Variants in SYTL3 observed in about 807,000 individuals in gnomAD.
SYTL3 encodes synaptotagmin like 3, also known as synaptotagmin-like protein 3.
Under a neutral mutation model 82.1 loss-of-function variants are expected in SYTL3, and 88 were observed. The ratio of observed to expected loss-of-function variants is 1.07; its 90% CI spans 0.90 to 1.28. SYTL3 has a LOEUF of 1.28. SYTL3 is among the 50% of genes most tolerant of loss of function. The probability of loss-of-function intolerance (pLI) is 0.00; values close to 1 mark genes in which losing one functional copy is unlikely to be tolerated. For synonymous variants in SYTL3, 311 were observed against 289.4 expected (o/e 1.07, Z -0.76); for missense variants, 831 against 757.6 (o/e 1.10, Z -1.14).
intron 8 of SYTL3, among the ~76,000 whole-genome samples, chr6:158,711,422 A>G (rs1412073675): frequency 6.6e-6 from 1 of 152,150 alleles, no homozygotes; most frequent in Non-Finnish European, 1.5e-5. Flanking sequence ...GGCTCACGTG[A>G]TCACGGCAGC....
intron 5 of SYTL3, among the ~76,000 whole-genome samples, chr6:158,667,650 G>A (rs996851190): frequency 2.0e-5 from 3 of 152,116 alleles, no homozygotes; most frequent in Non-Finnish European, 4.4e-5. Context: ...TTCTTCCTTC[G>A]CTTCAGGCTC....
chr6:158,763,543 C>G (rs773636668), intron 17 of SYTL3, 34 bp downstream of exon 17: 47 of 1,574,178 alleles, frequency 3.0e-5, no homozygotes, highest in Non-Finnish European at 3.8e-5. Context: ...AACGTTTATA[C>G]TTTGTGATTA....
At chr6:158,752,925 G>GT (rs1244031044) in intron 13 of SYTL3, among the ~76,000 whole-genome samples, 1 of 152,060 alleles carries the variant, frequency 6.6e-6, no homozygotes, top group African/African-American at 2.4e-5. Flanking sequence ...ACAGCCTGGG[G>GT]TAATTATTAG....
chr6:158,748,074 T>A (rs1018373915), intron 12 of SYTL3, among the ~76,000 whole-genome samples: 6 of 110,048 alleles, frequency 5.5e-5, no homozygotes, highest in African/African-American at 8.5e-5. Flanking sequence ...CTTCTTATCG[T>A]TTTTTTTTTT....
chr6:158,708,684 G>A (rs546144591), intron 8 of SYTL3, among the ~76,000 whole-genome samples: 57 of 152,316 alleles, frequency 3.7e-4, no homozygotes, highest in African/African-American at 1.4e-3. Context: ...TCTGCTCTGT[G>A]CTGGGCGTGT....
At chr6:158,677,669 C>T (rs551204426) in intron 5 of SYTL3, among the ~76,000 whole-genome samples, 1 of 134,860 alleles carries the variant, frequency 7.4e-6, no homozygotes, top group Admixed American at 8.3e-5. Flanking sequence ...CATGTCATTG[C>T]ACTCCAGCCT....
chr6:158,722,733 G>A (rs1212834307), intron 10 of SYTL3, among the ~76,000 whole-genome samples: 1 of 149,810 alleles, frequency 6.7e-6, no homozygotes, highest in African/African-American at 2.5e-5. Context: ...GAGGACAGAG[G>A]TGGAGGAAAA....
At chr6:158,682,889 C>T (rs772538623) in intron 5 of SYTL3, 36 bp from the exon 6 acceptor site, 23 of 1,540,916 alleles carry the variant, frequency 1.5e-5, no homozygotes, top group Non-Finnish European at 2.1e-5. Flanking sequence ...TTCATATCTT[C>T]TCTCTCTGAA....
chr6:158,677,044 T>C (rs1437242299), intron 5 of SYTL3, among the ~76,000 whole-genome samples: 2 of 152,190 alleles, frequency 1.3e-5, no homozygotes, highest in East Asian at 3.8e-4. Context: ...GACCCAGCAA[T>C]CCCATTACTG....
intron 11 of SYTL3, among the ~76,000 whole-genome samples, chr6:158,727,323 C>G (rs1438598647): frequency 6.6e-6 from 1 of 151,938 alleles, no homozygotes; most frequent in Non-Finnish European, 1.5e-5. Flanking sequence ...AGGCGCCCAC[C>G]ACCACGTCTG....
chr6:158,749,312 C>T (rs1276561173), intron 12 of SYTL3, among the ~76,000 whole-genome samples: 1 of 141,050 alleles, frequency 7.1e-6, no homozygotes, highest in East Asian at 2.1e-4. Context: ...AGAATCACCT[C>T]AGCCCAGGAG....
At chr6:158,690,413 C>A (rs544800115) in intron 6 of SYTL3, among the ~76,000 whole-genome samples, 1 of 152,292 alleles carries the variant, frequency 6.6e-6, no homozygotes, top group South Asian at 2.1e-4. Context: ...GCAGTAATTC[C>A]AGGAATCATT....
intron 5 of SYTL3, among the ~76,000 whole-genome samples, chr6:158,669,960 G>T (rs192105255): frequency 1.3e-3 from 194 of 152,116 alleles, no homozygotes; most frequent in African/African-American, 2.7e-3. Flanking sequence ...AAGGTTTTTT[G>T]TTGTTGTTGT....
In SYTL3 at chr6:158,730,882, G is replaced by A. The variant is rs550064706; in HGVS notation, c.855+5245G>A. Among the ~76,000 whole-genome samples the A allele has an allele frequency of 2.2e-4, 34 of 152,224 alleles. No individual in the cohort carries two copies. In the South Asian group the frequency reaches 2.3e-3, roughly 10 times the overall value. ...AAGAAAAGCCGCCAGGGGGCGGGTCGGGGTGGGGCGGTGAAGTATTCCTTA... is the reference window on the plus strand; with the variant it reads ...AAGAAAAGCCGCCAGGGGGCGGGTCAGGGTGGGGCGGTGAAGTATTCCTTA... On this transcript the variant is annotated intron_variant, in intron 11 of 17. Coordinates refer to ENST00000611299, the MANE Select transcript of SYTL3 (RefSeq NM_001242394.2).
intron 5 of SYTL3, among the ~76,000 whole-genome samples, chr6:158,669,003 G>A (rs1777059526): frequency 6.6e-6 from 1 of 152,152 alleles, no homozygotes; most frequent in African/African-American, 2.4e-5. Flanking sequence ...GATCAGAAGA[G>A]GGTGACTTGG....
chr6:158,689,684 C>T (rs946925318), intron 6 of SYTL3, among the ~76,000 whole-genome samples: 5 of 151,198 alleles, frequency 3.3e-5, no homozygotes, highest in Admixed American at 6.6e-5. Flanking sequence ...GACAGAGTCT[C>T]ACTCTGTCAC....
At chr6:158,730,925 G>T (rs1246710333) in intron 11 of SYTL3, among the ~76,000 whole-genome samples, 1 of 152,154 alleles carries the variant, frequency 6.6e-6, no homozygotes, top group Non-Finnish European at 1.5e-5. Flanking sequence ...TGTCTTAAGG[G>T]TTAAAAAGAG....
At chr6:158,727,689 C>CTTTTTTTTTTTTTTTTTTT (rs55657606) in intron 11 of SYTL3, among the ~76,000 whole-genome samples, 3 of 106,704 alleles carry the variant, frequency 2.8e-5, no homozygotes, top group African/African-American at 4.3e-5. Context: ...TCCAAGTACT[C>CTTTTTTTTTTTTTTTTTTT]TTTTTTTTTT....
chr6:158,703,801 G>C (rs1781600958), intron 6 of SYTL3, among the ~76,000 whole-genome samples: 1 of 137,122 alleles, frequency 7.3e-6, no homozygotes, highest in Admixed American at 7.3e-5. Context: ...TGTGAACTAA[G>C]AGTGGGTTTT....
Sources: allele counts gnomAD v4.1 joint callset (sites outside exome capture counted in the v4.1 genomes callset), GRCh38; gene constraint gnomAD v4.1.1; transcripts MANE v1.5; gene names NCBI Gene and HGNC (gene_info 2026-07-23, HGNC 2026-07-21).